TASP1: variants seen among roughly 807,000 people sequenced by gnomAD.
TASP1 encodes taspase 1.
TASP1 carries 16 observed loss-of-function variants against 56.6 expected under a neutral mutation model. That is an observed-to-expected ratio of 0.28 (90% CI 0.19 to 0.43). The LOEUF is 0.43. TASP1 is among the 20% of genes least tolerant of loss of function. The pLI is 1.00. For missense variants in TASP1, 393 were observed against 511.6 expected (o/e 0.77, Z 2.24); for synonymous variants, 179 against 184.2 (o/e 0.97, Z 0.23).
At chr20:13,637,188 C>T (rs957566305) in intron 1 of TASP1, among the ~76,000 whole-genome samples, 2 of 152,190 alleles carry the variant, frequency 1.3e-5, no homozygotes, top group African/African-American at 4.8e-5. Context: ...ATCAACACTA[C>T]AATGAGCTAC....
intron 11 of TASP1, among the ~76,000 whole-genome samples, chr20:13,444,333 C>T (rs960605657): frequency 6.6e-6 from 1 of 152,140 alleles, no homozygotes; most frequent in African/African-American, 2.4e-5. Flanking sequence ...GAATTTCTGT[C>T]CTTTCAATGA....
chr20:13,136,372 G>A, the TASP1 span, among the ~76,000 whole-genome samples: 3 of 152,016 alleles, frequency 2.0e-5, no homozygotes, highest in Admixed American at 6.6e-5. Flanking sequence ...CAAGGCAGGT[G>A]GATCACCCGA....
chr20:13,490,201 A>G (rs2043472895), intron 10 of TASP1, among the ~76,000 whole-genome samples: 1 of 152,182 alleles, frequency 6.6e-6, no homozygotes, highest in South Asian at 2.1e-4. Flanking sequence ...AACCCAGGAT[A>G]TATTTAATTA....
intron 10 of TASP1, among the ~76,000 whole-genome samples, chr20:13,527,847 C>A (rs1253492051): frequency 6.6e-6 from 1 of 152,032 alleles, no homozygotes; most frequent in Non-Finnish European, 1.5e-5. Context: ...GTTATCTAAA[C>A]TTGGCAGCAT....
At chr20:13,110,032 A>G in the TASP1 span, 2 of 1,257,792 alleles carry the variant, frequency 1.6e-6, no homozygotes, top group Admixed American at 4.7e-5. Context: ...GTGTGAACAT[A>G]AAACATCTGG....
chr20:13,581,098 C>T (rs1325582355), intron 5 of TASP1, 117 bp from the exon 6 acceptor site: 7 of 845,066 alleles, frequency 8.3e-6, no homozygotes, highest in East Asian at 5.3e-5. Flanking sequence ...AATTCTTTTT[C>T]GATATATCAA....
chr20:13,503,137 G>A (rs967383407), intron 10 of TASP1, among the ~76,000 whole-genome samples: 1 of 151,996 alleles, frequency 6.6e-6, no homozygotes, highest in Non-Finnish European at 1.5e-5. Context: ...GGGGAGGGAG[G>A]CCCTGATGCT....
the TASP1 span, chr20:13,279,654 C>T: frequency 1.9e-5 from 31 of 1,613,650 alleles, no homozygotes; most frequent in Middle Eastern, 1.6e-4. Context: ...AGGTGGTCGA[C>T]GGTCCTGACT....
the TASP1 span, chr20:13,239,638 G>C: frequency 6.6e-6 from 1 of 152,132 alleles, no homozygotes. Context: ...AGGTTGGACC[G>C]GGGCTTCATC....
At chr20:13,383,983 T>C in the TASP1 span, among the ~76,000 whole-genome samples, 1 of 152,000 alleles carries the variant, frequency 6.6e-6, no homozygotes, top group Non-Finnish European at 1.5e-5. Flanking sequence ...AGTTAACAGG[T>C]TTGGGGGAAG....
At chr20:13,549,441 T>TGC (rs2045908809) in intron 8 of TASP1, among the ~76,000 whole-genome samples, 4 of 151,294 alleles carry the variant, frequency 2.6e-5, no homozygotes, top group East Asian at 1.9e-4. Context: ...TGTGTGTGTA[T>TGC]GTGTGTGTGT....
At chr20:13,310,829 A>G in the TASP1 span, among the ~76,000 whole-genome samples, 1 of 152,230 alleles carries the variant, frequency 6.6e-6, no homozygotes. Context: ...CAATGTCACT[A>G]ACCGCAGGAA....
chr20:13,159,969 A>G, the TASP1 span: 1 of 1,480,220 alleles, frequency 6.8e-7, no homozygotes, highest in South Asian at 1.5e-5. Context: ...CCAACTAACC[A>G]CTTTTTTTTT....
the TASP1 span, among the ~76,000 whole-genome samples, chr20:13,233,741 G>A: frequency 1.8e-4 from 28 of 152,224 alleles, no homozygotes; most frequent in East Asian, 5.8e-4. Context: ...CTCATTATGA[G>A]GGAAAATACT....
chr20:13,137,832 A>T, the TASP1 span, among the ~76,000 whole-genome samples: 2 of 152,148 alleles, frequency 1.3e-5, no homozygotes, highest in Non-Finnish European at 2.9e-5. Flanking sequence ...TAATCCTCTC[A>T]TATTTCCCTC....
At chr20:13,252,616 G>A in the TASP1 span, among the ~76,000 whole-genome samples, 338 of 152,222 alleles carry the variant, frequency 2.2e-3, no homozygotes, top group African/African-American at 7.8e-3. Context: ...TTAGCTGGGT[G>A]TGGTGGCGTG....
the TASP1 span, among the ~76,000 whole-genome samples, chr20:13,354,136 A>G: frequency 6.6e-6 from 1 of 152,232 alleles, no homozygotes; most frequent in East Asian, 1.9e-4. Context: ...AAAATAAAGT[A>G]GATGAAAGCT....
At chr20:13,505,629 A>T (rs534665505) in intron 10 of TASP1, among the ~76,000 whole-genome samples, 2 of 152,334 alleles carry the variant, frequency 1.3e-5, no homozygotes, top group East Asian at 3.9e-4. Context: ...ATTTGCAAAT[A>T]TATGGAAATT....
chr20:13,318,702 T>C, the TASP1 span, among the ~76,000 whole-genome samples: 2 of 152,138 alleles, frequency 1.3e-5, no homozygotes, highest in South Asian at 4.1e-4. Flanking sequence ...TCAGTGCTAA[T>C]AAGAAATGAG....
Sources: allele counts gnomAD v4.1 joint callset (sites outside exome capture counted in the v4.1 genomes callset), GRCh38; gene constraint gnomAD v4.1.1; transcripts MANE v1.5; gene names NCBI Gene and HGNC (gene_info 2026-07-23, HGNC 2026-07-21).